The following EFCAB3 variants were observed in gnomAD, a reference collection of about 807,000 sequenced individuals.
EFCAB3 encodes the protein EF-hand calcium binding domain 3, also known as EF-hand calcium-binding domain-containing protein 3.
EFCAB3 carries 36 observed loss-of-function variants against 42.2 expected under a neutral mutation model. The observed-to-expected ratio is 0.85, with a 90% CI of 0.65 to 1.13. The LOEUF (loss-of-function observed/expected upper bound fraction) is 1.13. Among genes scored for constraint, EFCAB3 ranks in the 50% most tolerant of loss-of-function variants. The pLI, the probability that EFCAB3 is intolerant of heterozygous loss-of-function variation, is 0.00. For synonymous variants in EFCAB3, 170 were observed against 172.8 expected (o/e 0.98, Z 0.13); for missense variants, 418 against 505.1 (o/e 0.83, Z 1.65).
intron 6 of EFCAB3, among the ~76,000 whole-genome samples, chr17:62,396,013 C>T (rs1185340524): frequency 6.6e-6 from 1 of 152,052 alleles, no homozygotes; most frequent in African/African-American, 2.4e-5. Context: ...CTTTTCATTC[C>T]AACTCAAAGA....
At chr17:62,379,176 A>G (rs186982742), upstream of EFCAB3, among the ~76,000 whole-genome samples, 217 of 152,232 alleles carry the variant, frequency 1.4e-3, no homozygotes, top group Middle Eastern at 3.4e-3. Context: ...TAATCCCAGC[A>G]CTTTGGGAGG....
chr17:62,395,280 A>C lies in EFCAB3; in HGVS notation c.488+92A>C, dbSNP rs546578059. On this transcript the variant is annotated intron_variant, in intron 6 of 9. Coordinates refer to ENST00000305286, the MANE Select transcript of EFCAB3 (RefSeq NM_173503.4). ...TCAGCTCCCACTAACATCCAACTCC[A>C]CAGGGTCTGGTCCAAAACTAAGGAG... 288 of 1,511,550 alleles carry C rather than the reference A, an allele frequency of 1.9e-4. 1 individual carries two copies. The African/African-American group carries it at 3.4e-3, about 18-fold the overall frequency. The allele number at this position is 1,511,550 out of a possible 1,614,324, so 93.6% of individuals were successfully genotyped here. A position where few individuals can be genotyped will look rare whatever the true frequency, so the allele number is the denominator to read the frequency against.
At chr17:62,393,301 T>C (rs1372507010) in intron 4 of EFCAB3, among the ~76,000 whole-genome samples, 1 of 152,098 alleles carries the variant, frequency 6.6e-6, no homozygotes, top group Non-Finnish European at 1.5e-5. Flanking sequence ...GGCCAGTCTC[T>C]GAGAAAGGAG....
intron 6 of EFCAB3, among the ~76,000 whole-genome samples, chr17:62,403,692 T>G (rs970252741): frequency 6.6e-6 from 1 of 152,112 alleles, no homozygotes; most frequent in African/African-American, 2.4e-5. Flanking sequence ...CAGGCTAGAG[T>G]GCTGGAGTGC....
intron 8 of EFCAB3, among the ~76,000 whole-genome samples, chr17:62,410,832 A>C (rs370620076): frequency 1.2e-4 from 18 of 152,236 alleles, no homozygotes; most frequent in African/African-American, 4.3e-4. Context: ...CCTGGAAGTA[A>C]GCAACTGGAA....
At chr17:62,397,939 C>G in intron 6 of EFCAB3, 1 of 217,652 alleles carries the variant, frequency 4.6e-6, no homozygotes, top group Non-Finnish European at 8.9e-6. Context: ...GCAGGAGAAT[C>G]GCTTGAACCT....
intron 4 of EFCAB3, 107 bp downstream of exon 4, chr17:62,392,072 C>T (rs2070307687): frequency 2.0e-6 from 2 of 985,002 alleles, no homozygotes; most frequent in South Asian, 3.1e-5. Flanking sequence ...ATTTACTTGC[C>T]CCCCCAAATA....
Sources: gnomAD v4.1 joint callset for allele counts (sites outside exome capture counted in the v4.1 genomes callset) on GRCh38, gnomAD v4.1.1 for gene constraint, MANE v1.5 for transcripts, NCBI Gene and HGNC (gene_info 2026-07-23, HGNC 2026-07-21) for gene names.